CHRM5: variants seen among roughly 807,000 people sequenced by gnomAD.
CHRM5 encodes the protein muscarinic acetylcholine receptor M5.
A neutral mutation model predicts 39.0 loss-of-function variants in CHRM5; 18 were observed. That is an observed-to-expected ratio of 0.46 (90% CI 0.32 to 0.68). The LOEUF is 0.68. Among genes scored for constraint, CHRM5 ranks in the 30% least tolerant of loss-of-function variants. The pLI is 0.04. For missense variants in CHRM5, 515 were observed against 651.1 expected, an observed-to-expected ratio of 0.79 and a Z score of 2.28; for synonymous variants, 241 against 246.3, an observed-to-expected ratio of 0.98 and a Z score of 0.20.
intron 1 of CHRM5, among the ~76,000 whole-genome samples, chr15:34,041,362 C>T (rs527669583): frequency 3.3e-5 from 5 of 152,180 alleles, no homozygotes; most frequent in African/African-American, 1.2e-4. Flanking sequence ...ATTTATCCAG[C>T]CTTAAATTTG....
chr15:34,002,996 A>T, intron 1 of CHRM5: 6 of 1,513,932 alleles, frequency 4.0e-6, no homozygotes, highest in Non-Finnish European at 5.3e-6. Flanking sequence ...CAACTTTCAG[A>T]GCACTAAACA....
In CHRM5 at chr15:34,050,709, C is replaced by A. The variant is rs141509449; in HGVS notation, c.-76+3838C>A. 9.3e-4 allele frequency among the ~76,000 whole-genome samples: 142 copies of A among 152,210 alleles called. 6 individuals carry two copies. In the East Asian group the frequency reaches 0.026, roughly 28 times the overall value. ...AAAGTAGGGGTTGCCATCCTAGTTT[C>A]TGACAAAACAGACTTTAAACCAATA... On this transcript the variant is annotated intron_variant, in intron 2 of 2. Transcript: ENST00000383263.
chr15:34,032,864 T>C (rs1166977985), intron 1 of CHRM5, among the ~76,000 whole-genome samples: 1 of 152,238 alleles, frequency 6.6e-6, no homozygotes, highest in Non-Finnish European at 1.5e-5. Flanking sequence ...TAATATGTCC[T>C]TTTGCAAATC....
intron 1 of CHRM5, among the ~76,000 whole-genome samples, chr15:34,022,283 A>C (rs1188078436): frequency 1.3e-5 from 2 of 152,236 alleles, no homozygotes; most frequent in African/African-American, 4.8e-5. Context: ...TTTCAGAGGC[A>C]GAACAATTAA....
intron 1 of CHRM5, among the ~76,000 whole-genome samples, chr15:34,045,277 T>C (rs553418091): frequency 6.6e-6 from 1 of 152,320 alleles, no homozygotes; most frequent in South Asian, 2.1e-4. Context: ...ACATGTCACA[T>C]TGAAATCCTG....
intron 1 of CHRM5, among the ~76,000 whole-genome samples, chr15:33,985,300 C>T (rs936990569): frequency 3.3e-5 from 5 of 151,408 alleles, no homozygotes; most frequent in African/African-American, 9.7e-5. Context: ...TCATTGCCCC[C>T]GTCTCAGAGT....
chr15:34,066,886 G>A lies in CHRM5; in HGVS notation c.*2570G>A, dbSNP rs886299482. The A allele has an allele frequency of 6.6e-6, 1 of 151,596 alleles. No individual in the cohort carries two copies. The highest frequency in any genetic ancestry group is 2.4e-5 in the African/African-American group (1 of 41,244). 9.4% of individuals were successfully genotyped at this position (151,596 alleles called of 1,614,324 possible). A position where few individuals can be genotyped will look rare whatever the true frequency, so the allele number is the denominator to read the frequency against. On this transcript the variant is annotated 3_prime_UTR_variant, in exon 3 of 3. Coordinates refer to ENST00000383263, the MANE Select transcript of CHRM5 (RefSeq NM_012125.4). ...TTGGTTTTGGAAAGCAGCCAGTTTTGCAGACTACCTATGCCTCTTGACATA... is the reference window on the plus strand; with the variant it reads ...TTGGTTTTGGAAAGCAGCCAGTTTTACAGACTACCTATGCCTCTTGACATA...
intron 2 of CHRM5, among the ~76,000 whole-genome samples, chr15:34,050,556 C>G (rs185918218): frequency 2.0e-5 from 3 of 152,222 alleles, no homozygotes; most frequent in Admixed American, 1.3e-4. Context: ...CACAGAATGA[C>G]AAGCTGGATA....
At position 34,055,004 on chromosome 15, in the gene CHRM5, C is replaced by G. The variant is rs1158083851; in HGVS notation, c.-75-7639C>G. On this transcript the variant is annotated intron_variant, in intron 2 of 2. Transcript: ENST00000383263. ...AGTCAGGAGTTCGAGACCAGCCTGA[C>G]CAACATGGAGAAACCCCATCTCTAC... is the stretch of plus-strand genomic sequence containing the variant. 3.3e-5 allele frequency among the ~76,000 whole-genome samples: 5 copies of G among 152,126 alleles called. No homozygotes were observed. The East Asian group carries it at 9.7e-4, about 29-fold the overall frequency.
chr15:33,988,773 T>C (rs1238981221), intron 1 of CHRM5, among the ~76,000 whole-genome samples: 3 of 152,222 alleles, frequency 2.0e-5, no homozygotes, highest in Admixed American at 2.0e-4. Flanking sequence ...CCTTGATAAA[T>C]GACCTTGCTC....
intron 1 of CHRM5, chr15:34,038,674 G>C (rs1261647092): frequency 1.0e-6 from 1 of 998,030 alleles, no homozygotes; most frequent in Non-Finnish European, 1.2e-6. Context: ...GCCGCCGCCC[G>C]TCTGGCGCGC....
intron 2 of CHRM5, among the ~76,000 whole-genome samples, chr15:34,047,218 C>T (rs1181268065): frequency 1.3e-5 from 2 of 152,100 alleles, no homozygotes; most frequent in Non-Finnish European, 2.9e-5. Flanking sequence ...GCTGGGACTA[C>T]AGGCGCCCGC....
intron 2 of CHRM5, among the ~76,000 whole-genome samples, chr15:34,055,138 G>A (rs776953458): frequency 2.5e-4 from 37 of 150,106 alleles, no homozygotes; most frequent in Middle Eastern, 3.4e-3. Context: ...ATTGCGGTGA[G>A]CCGAGATCAC....
At chr15:34,050,699 A>T (rs926531755) in intron 2 of CHRM5, among the ~76,000 whole-genome samples, 5 of 152,234 alleles carry the variant, frequency 3.3e-5, no homozygotes, top group African/African-American at 1.2e-4. Context: ...AGGGGTTGCC[A>T]TCCTAGTTTC....
Position 34,066,851 on chromosome 15 carries a change from T to C in CHRM5, c.*2535T>C, listed in dbSNP as rs1900524761. ...GAGAGAGAGAGAGGTCAATGCTTCT[T>C]TTTTTATCATTGGTTTTGGAAAGCA... On this transcript the variant is annotated 3_prime_UTR_variant, in exon 3 of 3. Coordinates refer to ENST00000383263, the MANE Select transcript of CHRM5 (RefSeq NM_012125.4). The C allele has an allele frequency of 6.6e-6, 1 of 151,978 alleles. No individual in the cohort carries two copies. The highest frequency in any genetic ancestry group is 6.6e-5 in the Admixed American group (1 of 15,240). The allele number at this position is 151,978 out of a possible 1,614,324, so 9.4% of individuals were successfully genotyped here. A position where few individuals can be genotyped will look rare whatever the true frequency, so the allele number is the denominator to read the frequency against.
chr15:34,063,150 A>G lies in CHRM5; in HGVS notation c.433A>G (p.Lys145Glu), dbSNP rs369937575. ...PLTYRAKRTP[K>E]RAGIMIGLAW... The stretch of plus-strand genomic sequence containing the variant: ...GACATATCGGGCCAAGCGTACTCCG[A>G]AAAGGGCTGGCATCATGATTGGCTT... The change falls in exon 3 of 3, where the codon AAA (lysine) becomes GAA (glutamate). Residue 145 changes from lysine (K) to glutamate (E), a missense_variant. Physicochemically the swap from Lys to Glu is moderately conservative, Grantham distance 56. Coordinates refer to ENST00000383263, the MANE Select transcript of CHRM5 (RefSeq NM_012125.4). This position sits in a 1 kb window ranked among gnomAD's most constrained non-coding sequence, Gnocchi z 4.1. The G allele has an allele frequency of 6.2e-7, 1 of 1,614,140 alleles. No individual in the cohort carries two copies. The highest frequency in any genetic ancestry group is 1.3e-5 in the African/African-American group (1 of 75,026).
chr15:33,992,467 G>A (rs1896770909), intron 1 of CHRM5, among the ~76,000 whole-genome samples: 1 of 152,258 alleles, frequency 6.6e-6, no homozygotes, highest in South Asian at 2.1e-4. Context: ...TTTGTTATCG[G>A]AGTTTTCCTT....
chr15:34,044,200 T>C (rs1052570206), intron 1 of CHRM5, among the ~76,000 whole-genome samples: 1 of 152,224 alleles, frequency 6.6e-6, no homozygotes, highest in Non-Finnish European at 1.5e-5. Context: ...TCTATAGCAC[T>C]GTCTCCAATT....
At chr15:33,988,754 G>GAA (rs1467146363) in intron 1 of CHRM5, among the ~76,000 whole-genome samples, 1 of 152,174 alleles carries the variant, frequency 6.6e-6, no homozygotes, top group African/African-American at 2.4e-5. Flanking sequence ...TTACAGGGTT[G>GAA]AAAAAACTCC....
Sources: allele counts gnomAD v4.1 joint callset (sites outside exome capture counted in the v4.1 genomes callset), GRCh38; gene constraint gnomAD v4.1.1; non-coding constraint Gnocchi (gnomAD v3.1); transcripts MANE v1.5; gene names NCBI Gene and HGNC (gene_info 2026-07-23, HGNC 2026-07-21).